Variants in UTRN observed in about 807,000 individuals in gnomAD.
UTRN encodes the protein utrophin.
A neutral mutation model predicts 463.9 loss-of-function variants in UTRN; 283 were observed. The ratio of observed to expected loss-of-function variants is 0.61; its 90% confidence interval spans 0.55 to 0.67. UTRN has a LOEUF of 0.67. UTRN is among the 30% of genes least tolerant of loss of function. UTRN has a pLI of 0.00. For synonymous variants in UTRN, 1,442 were observed against 1,431.5 expected (o/e 1.01, Z -0.17); for missense variants, 3,922 against 4,084.3 (o/e 0.96, Z 1.08).
At chr6:144,772,185 C>G (rs946860482) in intron 59 of UTRN, among the ~76,000 whole-genome samples, 1 of 151,470 alleles carries the variant, frequency 6.6e-6, no homozygotes, top group African/African-American at 2.4e-5. Context: ...AGGCGCCCGC[C>G]GCCACTCCCA....
intron 19 of UTRN, among the ~76,000 whole-genome samples, chr6:144,456,140 G>C (rs1251248983): frequency 6.6e-6 from 1 of 152,060 alleles, no homozygotes. Context: ...GCTGAGAAAT[G>C]GGGGAGCTGA....
At chr6:144,656,154 T>G (rs1779288868) in intron 51 of UTRN, among the ~76,000 whole-genome samples, 1 of 152,238 alleles carries the variant, frequency 6.6e-6, no homozygotes, top group Admixed American at 6.5e-5. Context: ...TCAAGCATAT[T>G]CCACCTACTG....
In UTRN at chr6:144,836,517, C is replaced by T; in HGVS notation, c.10041C>T (p.His3347=). 6.2e-7 allele frequency: 1 copy of T among 1,613,784 alleles called. No individual in the cohort carries two copies. Among genetic ancestry groups the T allele is most frequent in the Non-Finnish European group, 8.5e-7 (1 of 1,179,958 alleles). Residue 3347 remains histidine, a synonymous_variant, in exon 71 of 75, where the codon CAC becomes CAT. Coordinates refer to ENST00000367545, the MANE Select transcript of UTRN (RefSeq NM_007124.3). Reference sequence around the variant, plus strand: ...ATAAACAGCTGGAGTCTCAGCTCCACCGCCTCCGACAGCTGCTGGAGCAGG... The same window carrying T: ...ATAAACAGCTGGAGTCTCAGCTCCATCGCCTCCGACAGCTGCTGGAGCAGG... ...DHNKQLESQL[H]RLRQLLEQPE...
intron 64 of UTRN, among the ~76,000 whole-genome samples, 174 bp downstream of exon 64, chr6:144,798,164 A>C (rs906069555): frequency 6.6e-6 from 1 of 152,170 alleles, no homozygotes; most frequent in South Asian, 2.1e-4. Flanking sequence ...TAACTACTAC[A>C]TGAAGCATAT....
At chr6:144,820,770 A>G (rs1779533659) in intron 65 of UTRN, 112 bp from the exon 66 acceptor site, 1 of 1,365,768 alleles carries the variant, frequency 7.3e-7, no homozygotes, top group African/African-American at 1.5e-5. Flanking sequence ...GCATAAAACT[A>G]CCAAAACTGT....
At chr6:144,356,629 A>T (rs1778570343) in intron 2 of UTRN, among the ~76,000 whole-genome samples, 1 of 152,322 alleles carries the variant, frequency 6.6e-6, no homozygotes, top group East Asian at 1.9e-4. Flanking sequence ...CCTGGCTAAC[A>T]TGGTGAAACC....
chr6:144,769,296 C>T (rs779138852), intron 58 of UTRN, among the ~76,000 whole-genome samples: 2 of 151,792 alleles, frequency 1.3e-5, no homozygotes, highest in Non-Finnish European at 2.9e-5. Flanking sequence ...AAAAAAAAAA[C>T]AGCAGCCAAC....
At chr6:144,437,843 A>G (rs969324367) in intron 11 of UTRN, 97 bp downstream of exon 11, 5 of 1,283,212 alleles carry the variant, frequency 3.9e-6, no homozygotes, top group Non-Finnish European at 5.2e-6. Context: ...CGAGATGATT[A>G]CAGAACTTGC....
chr6:144,546,528 C>T (rs1038898083), intron 46 of UTRN, among the ~76,000 whole-genome samples: 1 of 152,068 alleles, frequency 6.6e-6, no homozygotes, highest in African/African-American at 2.4e-5. Context: ...ATGCTGGGCA[C>T]AGTGAATCAT....
chr6:144,621,743 A>T (rs895531639), intron 51 of UTRN, among the ~76,000 whole-genome samples: 2 of 152,134 alleles, frequency 1.3e-5, no homozygotes, highest in Non-Finnish European at 2.9e-5. Context: ...TACCTTGCAT[A>T]TGAGACCCCC....
intron 39 of UTRN, among the ~76,000 whole-genome samples, chr6:144,517,581 C>T (rs1344941810): frequency 6.6e-6 from 1 of 152,076 alleles, no homozygotes; most frequent in Non-Finnish European, 1.5e-5. Context: ...TTGGTAGTTC[C>T]TTCTAGAACG....
At chr6:144,738,375 C>G (rs1251306607) in intron 54 of UTRN, among the ~76,000 whole-genome samples, 1 of 152,162 alleles carries the variant, frequency 6.6e-6, no homozygotes, top group East Asian at 1.9e-4. Context: ...CCACCCCTAC[C>G]CCCAAACCTC....
At chr6:144,651,452 T>C (rs1427061646) in intron 51 of UTRN, among the ~76,000 whole-genome samples, 1 of 152,166 alleles carries the variant, frequency 6.6e-6, no homozygotes, top group East Asian at 1.9e-4. Context: ...GCTAGATAAG[T>C]GTCATAAAGG....
intron 41 of UTRN, among the ~76,000 whole-genome samples, chr6:144,529,102 A>G (rs533544251): frequency 1.3e-5 from 2 of 152,134 alleles, no homozygotes; most frequent in Non-Finnish European, 2.9e-5. Context: ...TGCAGGCCTC[A>G]CTCAGTTTCC....
intron 39 of UTRN, among the ~76,000 whole-genome samples, chr6:144,517,693 C>G (rs1400729818): frequency 6.6e-6 from 1 of 152,172 alleles, no homozygotes; most frequent in Admixed American, 6.5e-5. Context: ...ATAAATACTT[C>G]CAACTGTGTT....
chr6:144,700,287 T>A, intron 53 of UTRN, 44 bp downstream of exon 53: 1 of 1,541,242 alleles, frequency 6.5e-7, no homozygotes, highest in South Asian at 1.3e-5. Flanking sequence ...CAAATTCTAG[T>A]GAGGTAGATA....
Position 144,421,859 on chromosome 6 carries a change from TTG to T in UTRN, c.142-15_142-14del, listed in dbSNP as rs1784864153. The T allele has an allele frequency of 6.2e-7, 1 of 1,600,944 alleles. No individual in the cohort carries two copies. The highest frequency in any genetic ancestry group is 8.5e-7 in the Non-Finnish European group (1 of 1,172,592). On this transcript the variant is annotated splice_polypyrimidine_tract_variant and intron_variant, in intron 3 of 74. Transcript: ENST00000367545. ...GCTGTTGGCATACCCCATATTTTAT[TTG>T]TGTTTTTCTTTTACAGAGTGGGAAA...
At chr6:144,677,599 A>G (rs770431239) in intron 51 of UTRN, among the ~76,000 whole-genome samples, 3 of 152,230 alleles carry the variant, frequency 2.0e-5, no homozygotes, top group Non-Finnish European at 4.4e-5. Flanking sequence ...TCTGTATGGT[A>G]GAATGATTTA....
At chr6:144,830,704 A>ATTTGTTTT (rs1780593426) in intron 69 of UTRN, among the ~76,000 whole-genome samples, 2 of 148,320 alleles carry the variant, frequency 1.3e-5, no homozygotes, top group African/African-American at 2.5e-5. Flanking sequence ...TTTGTCTGTG[A>ATTTGTTTT]TTTGTTTTTT....
Sources: gnomAD v4.1 joint callset for allele counts (sites outside exome capture counted in the v4.1 genomes callset) on GRCh38, gnomAD v4.1.1 for gene constraint, MANE v1.5 for transcripts, NCBI Gene and HGNC (gene_info 2026-07-23, HGNC 2026-07-21) for gene names.